FGF13: variants seen among roughly 807,000 people sequenced by gnomAD.
The protein encoded by FGF13 is fibroblast growth factor homologous factor 2.
FGF13 carries 2 observed loss-of-function variants against 19.5 expected under a neutral mutation model. That is an observed-to-expected ratio of 0.10 (90% CI 0.04 to 0.32). The LOEUF (loss-of-function observed/expected upper bound fraction) is 0.32. Among genes scored for constraint, FGF13 ranks in the 10% least tolerant of loss-of-function variants. The probability of loss-of-function intolerance (pLI) is 1.00; values close to 1 mark genes in which losing one functional copy is unlikely to be tolerated. For synonymous variants in FGF13, 72 were observed against 76.9 expected, an observed-to-expected ratio of 0.94 and a Z score of 0.33; for missense variants, 113 against 192.7, an observed-to-expected ratio of 0.59 and a Z score of 2.45.
intron 1 of FGF13, among the ~76,000 whole-genome samples, chrX:139,128,048 T>C (rs904290571): frequency 1.8e-5 from 2 of 110,646 alleles, no homozygotes; most frequent in Admixed American, 1.9e-4. Context: ...TATGCTCAAA[T>C]GGGGAAAACA....
At chrX:139,173,919 C>T (rs957555700) in intron 1 of FGF13, among the ~76,000 whole-genome samples, 8 of 111,881 alleles carry the variant, frequency 7.2e-5, no homozygotes, top group East Asian at 2.8e-4. Context: ...ATATACCCAG[C>T]AATGGGATTG....
intron 3 of FGF13, among the ~76,000 whole-genome samples, chrX:138,753,463 G>T (rs2090411187): frequency 8.9e-6 from 1 of 112,238 alleles, no homozygotes; most frequent in Non-Finnish European, 1.9e-5. Context: ...CATCAGGATA[G>T]ATCTGATTAA....
rs139590484 is a variant in FGF13, at chrX:139,089,310, T to C, written c.-113+114106A>G. Among the ~76,000 whole-genome samples, 966 of 112,318 alleles carry C rather than the reference T, an allele frequency of 8.6e-3. 10 individuals carry two copies. Among genetic ancestry groups the C allele is most frequent in the African/African-American group, 0.03 (928 of 30,902 alleles). On this transcript the variant is annotated intron_variant, in intron 1 of 2. Coordinates refer to the FGF13 transcript ENST00000421460. Reference sequence around the variant, plus strand: ...AAGGTAAATCAAAGTTGGAAACTCCTGGACTGCATACATACTAAAGTCCTT... The same window carrying C: ...AAGGTAAATCAAAGTTGGAAACTCCCGGACTGCATACATACTAAAGTCCTT...
chrX:138,769,634 C>T lies in FGF13; in HGVS notation c.218-60706G>A, dbSNP rs139835133. On this transcript the variant is annotated intron_variant, in intron 3 of 6. Transcript: ENST00000436198. The stretch of plus-strand genomic sequence containing the variant: ...TTAAGACCACAGTTTCTGAGATTAG[C>T]GTTGGTGTGGGACCATTAGGCCCAC... 2.0e-4 allele frequency among the ~76,000 whole-genome samples: 22 copies of T among 112,201 alleles called. No individual in the cohort carries two copies. The East Asian group carries it at 2.2e-3, about 11-fold the overall frequency.
intron 1 of FGF13, among the ~76,000 whole-genome samples, chrX:138,973,327 T>TAGA (rs1355497758): frequency 8.9e-6 from 1 of 112,438 alleles, no homozygotes; most frequent in Non-Finnish European, 1.9e-5. Context: ...CTGTTATTGA[T>TAGA]TTCTAATTTC....
chrX:138,721,946 C>T (rs910156657), intron 1 of FGF13, among the ~76,000 whole-genome samples: 1 of 110,853 alleles, frequency 9.0e-6, no homozygotes, highest in African/African-American at 3.3e-5. Flanking sequence ...ACATTTTGAT[C>T]ACACTTATGC....
chrX:138,834,454 C>T (rs1373907999), intron 3 of FGF13, among the ~76,000 whole-genome samples: 2 of 111,319 alleles, frequency 1.8e-5, no homozygotes, highest in African/African-American at 6.5e-5. Context: ...TCATCCTATT[C>T]TCTGATAGTT....
intron 1 of FGF13, among the ~76,000 whole-genome samples, chrX:138,934,425 G>C (rs1203143755): frequency 8.9e-6 from 1 of 112,072 alleles, no homozygotes; most frequent in Non-Finnish European, 1.9e-5. Flanking sequence ...CCATTTCATG[G>C]GCAAGCAGAA....
intron 1 of FGF13, among the ~76,000 whole-genome samples, chrX:138,982,668 A>G (rs1182859291): frequency 7.1e-5 from 8 of 112,154 alleles, no homozygotes; most frequent in Admixed American, 9.4e-5. Context: ...ACTTTAATAC[A>G]CATGATTTAG....
intron 3 of FGF13, among the ~76,000 whole-genome samples, chrX:138,838,624 G>A (rs1223718643): frequency 8.9e-6 from 1 of 112,025 alleles, no homozygotes; most frequent in Admixed American, 9.4e-5. Flanking sequence ...CCCAATGCGA[G>A]TACCTGAATG....
intron 3 of FGF13, among the ~76,000 whole-genome samples, chrX:138,805,213 A>T (rs2124007936): frequency 8.9e-6 from 1 of 111,893 alleles, no homozygotes; most frequent in African/African-American, 3.2e-5. Context: ...TCATCTATAT[A>T]TGGTAACTTG....
chrX:138,859,400 C>T (rs1181256065), intron 2 of FGF13, among the ~76,000 whole-genome samples: 1 of 112,271 alleles, frequency 8.9e-6, no homozygotes, highest in East Asian at 2.8e-4. Context: ...TTTTCACCCA[C>T]TGCTGTATAG....
intron 1 of FGF13, among the ~76,000 whole-genome samples, chrX:139,025,973 T>A (rs1280275595): frequency 9.0e-6 from 1 of 110,926 alleles, no homozygotes; most frequent in Non-Finnish European, 1.9e-5. Context: ...CAATGCAAAT[T>A]CCTGGTTCTA....
upstream of FGF13, chrX:139,204,376 G>A: frequency 1.2e-5 from 3 of 257,154 alleles, no homozygotes; most frequent in South Asian, 2.5e-4. Flanking sequence ...GCCGCTCGCC[G>A]CGCTCAAGAA....
chrX:139,094,856 G>A (rs749552460), intron 1 of FGF13, among the ~76,000 whole-genome samples: 7 of 111,897 alleles, frequency 6.3e-5, no homozygotes, highest in Non-Finnish European at 1.1e-4. Flanking sequence ...TATCTACACA[G>A]TGACGGGTCT....
chrX:138,912,747 T>C (rs1006331079), intron 1 of FGF13, among the ~76,000 whole-genome samples: 2 of 111,782 alleles, frequency 1.8e-5, no homozygotes, highest in African/African-American at 3.3e-5. Context: ...ACTGCAAAGA[T>C]GTAGGATTCG....
intron 1 of FGF13, among the ~76,000 whole-genome samples, chrX:139,139,524 C>T (rs2083826445): frequency 8.9e-6 from 1 of 112,138 alleles, no homozygotes; most frequent in South Asian, 3.7e-4. Flanking sequence ...GTTAAAGGTA[C>T]CAAGAATGTT....
intron 1 of FGF13, among the ~76,000 whole-genome samples, chrX:138,709,962 A>C (rs1569370918): frequency 9.0e-6 from 1 of 111,420 alleles, no homozygotes; most frequent in African/African-American, 3.3e-5. Context: ...TTTTTGTAAT[A>C]TTTATCTAGT....
chrX:138,782,112 T>G (rs1485664153), intron 3 of FGF13, among the ~76,000 whole-genome samples: 2 of 111,891 alleles, frequency 1.8e-5, no homozygotes, highest in African/African-American at 6.5e-5. Context: ...TCAACAACCC[T>G]TCATGCTAAA....
Sources: gnomAD v4.1 joint callset for allele counts (sites outside exome capture counted in the v4.1 genomes callset) on GRCh38, gnomAD v4.1.1 for gene constraint, MANE v1.5 for transcripts, NCBI Gene and HGNC (gene_info 2026-07-23, HGNC 2026-07-21) for gene names.